The following NINL variants were observed in gnomAD, a reference collection of about 807,000 sequenced individuals.
NINL encodes the protein ninein like, also known as ninein-like protein.
NINL carries 153 observed loss-of-function variants against 160.3 expected under a neutral mutation model. The ratio of observed to expected loss-of-function variants is 0.95; its 90% CI spans 0.84 to 1.09. The LOEUF (loss-of-function observed/expected upper bound fraction) is 1.09. Among genes scored for constraint, NINL ranks in the 50% least tolerant of loss-of-function variants. The pLI is 0.00. For missense variants in NINL, 1,829 were observed against 1,764.0 expected (o/e 1.04, Z -0.66); for synonymous variants, 800 against 734.8 (o/e 1.09, Z -1.43).
chr20:25,495,240 C>T (rs867489633), intron 10 of NINL, among the ~76,000 whole-genome samples: 29 of 152,304 alleles, frequency 1.9e-4, no homozygotes, highest in African/African-American at 5.1e-4. Context: ...GGCTTCAGCC[C>T]GCAGTGCAGC....
At chr20:25,563,557 A>G (rs1298485513) in intron 1 of NINL, among the ~76,000 whole-genome samples, 1 of 151,630 alleles carries the variant, frequency 6.6e-6, no homozygotes, top group East Asian at 1.9e-4. Flanking sequence ...TAATAGTTAC[A>G]TTAAGTATAA....
chr20:25,480,228 T>G lies in NINL; in HGVS notation c.1850A>C (p.Glu617Ala). The change falls in exon 15 of 24, where the codon GAA becomes GCA. Residue 617 changes from glutamate to alanine, a missense_variant. Coordinates refer to ENST00000278886, the MANE Select transcript of NINL (RefSeq NM_025176.6). ...FLGNSAPVSI[E>A]TELMMEQVKE... ...TACCTGCTCCATCATCAGCTCCGTT[T>G]CTATACTCACTGGAGCAGAATTACC... 1.2e-6 allele frequency: 2 copies of G among 1,614,068 alleles called. No homozygotes were observed. Among genetic ancestry groups the G allele is most frequent in the Non-Finnish European group, 1.7e-6 (2 of 1,180,016 alleles).
chr20:25,550,751 A>G (rs2064797988), intron 1 of NINL, among the ~76,000 whole-genome samples: 1 of 152,240 alleles, frequency 6.6e-6, no homozygotes, highest in South Asian at 2.1e-4. Flanking sequence ...ACCTCCAGCC[A>G]TAAGGCGGTT....
intron 3 of NINL, among the ~76,000 whole-genome samples, chr20:25,514,654 C>T (rs1422995415): frequency 6.6e-6 from 1 of 152,244 alleles, no homozygotes; most frequent in Non-Finnish European, 1.5e-5. Context: ...CCATCACCAG[C>T]TCACAGGCCA....
intron 1 of NINL, among the ~76,000 whole-genome samples, chr20:25,570,859 T>G (rs940522840): frequency 7.9e-5 from 12 of 151,918 alleles, no homozygotes; most frequent in African/African-American, 2.4e-4. Flanking sequence ...CACGCCACCA[T>G]GCCTGGCTAA....
intron 7 of NINL, 32 bp from the exon 8 acceptor site, chr20:25,501,042 G>C: frequency 3.1e-6 from 5 of 1,604,526 alleles, no homozygotes; most frequent in Non-Finnish European, 4.3e-6. Flanking sequence ...ATAGCGCCCA[G>C]CGTCCAAAGC....
intron 19 of NINL, among the ~76,000 whole-genome samples, chr20:25,466,052 G>T (rs985404212): frequency 1.3e-5 from 2 of 151,978 alleles, no homozygotes; most frequent in African/African-American, 4.8e-5. Flanking sequence ...GAGAGACAGG[G>T]TCTCACTCTG....
chr20:25,545,074 T>C (rs2064715763), intron 1 of NINL, among the ~76,000 whole-genome samples: 1 of 152,224 alleles, frequency 6.6e-6, no homozygotes, highest in Non-Finnish European at 1.5e-5. Context: ...GATAGCTCCA[T>C]CTGTGGCTGT....
chr20:25,455,180 T>C (rs1351717266), intron 23 of NINL, among the ~76,000 whole-genome samples: 1 of 152,190 alleles, frequency 6.6e-6, no homozygotes, highest in Non-Finnish European at 1.5e-5. Flanking sequence ...CAGCTGGACG[T>C]TCCTGTGCTG....
rs542002855 is a variant in NINL at position 25,476,432 on chromosome 20, G to A, written c.2859C>T (p.Thr953=). 1.3e-4 allele frequency: 207 copies of A among 1,609,318 alleles called. 2 individuals carry two copies. The South Asian group carries it at 2.1e-3, about 17-fold the overall frequency. ...LLGTERDASQ[T]QPRMWEPPLR... ...GGGGTGGCTCCCACATCCGTGGCTG[G>A]GTTTGCGAGGCGTCTCTCTCTGTTC... Residue 953 remains threonine (T), a synonymous_variant, in exon 17 of 24, where the codon ACC becomes ACT. Transcript: ENST00000278886.
chr20:25,516,009 C>T lies in NINL; in HGVS notation c.277+1744G>A, dbSNP rs112173174. Among the ~76,000 whole-genome samples the T allele has an allele frequency of 8.0e-3, 1,224 of 152,174 alleles. 15 individuals carry two copies. The highest frequency in any genetic ancestry group is 0.02 in the Middle Eastern group (6 of 294). On this transcript the variant is annotated intron_variant, in intron 3 of 23. Coordinates refer to ENST00000278886, the MANE Select transcript of NINL (RefSeq NM_025176.6). ...CAGGATGGTCTCGATCTCCTGACCT[C>T]GTGATCTGCCCGCCTCAGCCTCCCA...
At chr20:25,565,464 T>G (rs1444650195) in intron 1 of NINL, among the ~76,000 whole-genome samples, 1 of 151,930 alleles carries the variant, frequency 6.6e-6, no homozygotes, top group East Asian at 1.9e-4. Context: ...CAAAGAAACT[T>G]CTGAAGTTCA....
At position 25,513,008 on chromosome 20, in the gene NINL, TGGAAA is replaced by T; in HGVS notation, c.278-7_278-3del. The T allele has an allele frequency of 6.3e-7, 1 of 1,593,316 alleles. No individual in the cohort carries two copies. The highest frequency in any genetic ancestry group is 8.6e-7 in the Non-Finnish European group (1 of 1,165,878). ...TTGGAGGGATGGCACTGGAGGCAGC[TGGAAA>T]GGAAACAGGAAATTTGGTGGGGGTC... On this transcript the variant is annotated splice_region_variant and splice_polypyrimidine_tract_variant and intron_variant, in intron 3 of 23. Transcript: ENST00000278886.
chr20:25,544,191 C>T (rs556322137), intron 1 of NINL, among the ~76,000 whole-genome samples: 11 of 148,432 alleles, frequency 7.4e-5, no homozygotes, highest in Admixed American at 2.0e-4. Flanking sequence ...CACAATTTGA[C>T]GCGTGGAATC....
rs747653999 is a variant in NINL, at chr20:25,453,490, TTTG to T, written c.4107_4109del (p.Asn1369del). On this transcript the variant is annotated inframe_deletion, in exon 24 of 24. Transcript: ENST00000278886. ...CTGCGGGGGCAATCCTACTGACGAG[TTTG>T]TTGAGAGCGCGAACTTTTTCTTCCA... The T allele has an allele frequency of 1.2e-6, 2 of 1,613,566 alleles. No individual in the cohort carries two copies. Among genetic ancestry groups the T allele is most frequent in the South Asian group, 2.2e-5 (2 of 90,998 alleles).
chr20:25,497,626 C>A (rs1288248321), intron 9 of NINL, among the ~76,000 whole-genome samples: 1 of 152,228 alleles, frequency 6.6e-6, no homozygotes, highest in Non-Finnish European at 1.5e-5. Context: ...TCAGCCAAAC[C>A]AAACAGACAC....
rs59160061 is a variant in NINL, at chr20:25,519,989, CAAAAAAAAAAAAA to C, written c.181-2153_181-2141del. 7.4e-4 allele frequency among the ~76,000 whole-genome samples: 9 copies of C among 12,124 alleles called. No individual in the cohort carries two copies. In the South Asian group the frequency reaches 0.015, roughly 20 times the overall value. The allele number at this position is 12,124 out of a possible 152,430, so 8.0% of individuals were successfully genotyped here. ...TGGGTGACGAAGTGAGACCCCGTCT[CAAAAAAAAAAAAA>C]AAAAAAAAAAAAAAAAGGCCAGAGA... On this transcript the variant is annotated intron_variant, in intron 2 of 23. Coordinates refer to ENST00000278886, the MANE Select transcript of NINL (RefSeq NM_025176.6).
Position 25,470,059 on chromosome 20 carries a change from CA to C in NINL, c.3284del (p.Leu1095CysfsTer2), listed in dbSNP as rs1408266210. 6.2e-7 allele frequency: 1 copy of C among 1,614,030 alleles called. No individual in the cohort carries two copies. Among genetic ancestry groups the C allele is most frequent in the African/African-American group, 1.3e-5 (1 of 74,934 alleles). ...EFHRLSEENT[L>X]LKNDLGRVRQ... ...GAACCCTTCCCAGATCGTTTTTCAA[CA>C]AAGTGTTTTCTTCAGAAAGTCTATG... On this transcript the variant is annotated frameshift_variant, in exon 18 of 24. Coordinates refer to ENST00000278886, the MANE Select transcript of NINL (RefSeq NM_025176.6). LOFTEE classifies it high-confidence loss of function.
chr20:25,499,155 T>C (rs2063817924), intron 8 of NINL: 2 of 985,366 alleles, frequency 2.0e-6, no homozygotes, highest in South Asian at 9.4e-5. Flanking sequence ...CTTTCCACAC[T>C]GCCCACTTCC....
Sources: allele counts gnomAD v4.1 joint callset (sites outside exome capture counted in the v4.1 genomes callset), GRCh38; gene constraint gnomAD v4.1.1; transcripts MANE v1.5; gene names NCBI Gene and HGNC (gene_info 2026-07-23, HGNC 2026-07-21).